The following ASCC3 variants were observed in gnomAD, a reference collection of about 807,000 sequenced individuals.
ASCC3 encodes the protein ASC-1 complex subunit P200.
ASCC3 carries 158 observed loss-of-function variants against 256.3 expected under a neutral mutation model. That is an observed-to-expected ratio of 0.62 (90% CI 0.54 to 0.70). The LOEUF is 0.70. Ranked by LOEUF, ASCC3 falls within the 30% of genes least tolerant of loss-of-function variation. The pLI, the probability that ASCC3 is intolerant of heterozygous loss-of-function variation, is 0.00. For synonymous variants in ASCC3, 948 were observed against 883.4 expected (o/e 1.07, Z -1.30); for missense variants, 2,259 against 2,626.0 (o/e 0.86, Z 3.05).
At chr6:100,602,357 C>G (rs1448049114) in intron 33 of ASCC3, among the ~76,000 whole-genome samples, 2 of 151,908 alleles carry the variant, frequency 1.3e-5, no homozygotes, top group Non-Finnish European at 2.9e-5. Flanking sequence ...TTGTTGAAAG[C>G]AATCACTAGT....
At position 100,718,259 on chromosome 6, in the gene ASCC3, G is replaced by T; in HGVS notation, c.1903-8C>A. 5 of 1,582,854 alleles carry T rather than the reference G, an allele frequency of 3.2e-6. No homozygotes were observed. The South Asian group carries it at 5.8e-5, about 18-fold the overall frequency. ...ACTCTGTGTGGATTCCACCTATATG[G>T]ATTATTTTAATTAAATATGGGTTAT... On this transcript the variant is annotated splice_region_variant and splice_polypyrimidine_tract_variant and intron_variant, in intron 11 of 41. Transcript: ENST00000369162.
intron 10 of ASCC3, among the ~76,000 whole-genome samples, chr6:100,762,105 A>G (rs1215591286): frequency 6.6e-6 from 1 of 152,170 alleles, no homozygotes; most frequent in African/African-American, 2.4e-5. Context: ...TACAAAGAAA[A>G]TTCAGATTTG....
intron 39 of ASCC3, among the ~76,000 whole-genome samples, chr6:100,514,357 C>T (rs1773918367): frequency 6.6e-6 from 1 of 152,092 alleles, no homozygotes. Flanking sequence ...CTTAAAAACA[C>T]AATTTCTGTA....
At chr6:100,747,336 C>G (rs749746580) in intron 10 of ASCC3, among the ~76,000 whole-genome samples, 1 of 151,946 alleles carries the variant, frequency 6.6e-6, no homozygotes, top group Non-Finnish European at 1.5e-5. Flanking sequence ...GAATACAGTT[C>G]GGTAGTTTCT....
intron 36 of ASCC3, among the ~76,000 whole-genome samples, chr6:100,585,312 C>T (rs1484031700): frequency 3.9e-5 from 6 of 152,224 alleles, no homozygotes; most frequent in East Asian, 1.9e-4. Context: ...CTTCCCTTCT[C>T]GCTTCATTTC....
intron 34 of ASCC3, among the ~76,000 whole-genome samples, chr6:100,600,205 GCACACACACACACACACACACA>G (rs56886686): frequency 6.9e-6 from 1 of 145,770 alleles, no homozygotes; most frequent in African/African-American, 2.5e-5. Flanking sequence ...ACATGCACAT[GCACACACACACACACACACACA>G]CACACACACA....
At position 100,661,794 on chromosome 6, in the gene ASCC3, A is replaced by G. The variant is rs1196494652; in HGVS notation, c.2703+12T>C. 6.2e-7 allele frequency: 1 copy of G among 1,611,018 alleles called. No individual in the cohort carries two copies. Among genetic ancestry groups the G allele is most frequent in the Non-Finnish European group, 8.5e-7 (1 of 1,177,518 alleles). Reference sequence around the variant, plus strand: ...ATGATTCTATTCCAAACTTTTACTCATTAGATCTTACCTCTGCATTTAGGT... The same window carrying G: ...ATGATTCTATTCCAAACTTTTACTCGTTAGATCTTACCTCTGCATTTAGGT... On this transcript the variant is annotated intron_variant, in intron 16 of 41. Coordinates refer to ENST00000369162, the MANE Select transcript of ASCC3 (RefSeq NM_006828.4).
chr6:100,598,039 T>C (rs1284653232), intron 34 of ASCC3, among the ~76,000 whole-genome samples: 1 of 151,178 alleles, frequency 6.6e-6, no homozygotes, highest in Non-Finnish European at 1.5e-5. Context: ...GCTACATTTA[T>C]CAATATTGAC....
chr6:100,510,157 T>C lies in ASCC3; in HGVS notation c.6286-50A>G, dbSNP rs773494390. 18 of 1,596,014 alleles carry C rather than the reference T, an allele frequency of 1.1e-5. No individual in the cohort carries two copies. In the East Asian group the frequency reaches 3.4e-4, roughly 30 times the overall value. Reference sequence around the variant, plus strand: ...ACATTAAAAATATCTAGACTTCCTATACCACTTGGTTGTGGTTAAGGCTAC... The same window carrying C: ...ACATTAAAAATATCTAGACTTCCTACACCACTTGGTTGTGGTTAAGGCTAC... On this transcript the variant is annotated intron_variant, in intron 40 of 41. Coordinates refer to ENST00000369162, the MANE Select transcript of ASCC3 (RefSeq NM_006828.4).
Position 100,559,513 on chromosome 6 carries a change from CAAAT to C in ASCC3, c.5551-19130_5551-19127del, listed in dbSNP as rs540385093. 9.2e-5 allele frequency among the ~76,000 whole-genome samples: 14 copies of C among 152,236 alleles called. No homozygotes were observed. The South Asian group carries it at 2.9e-3, about 32-fold the overall frequency. ...GCAAAGCCTAATAAAAACAGCTTTTCAAATAAATAATCCTAAGGAGACAATAGTC... is the reference window on the plus strand; with the variant it reads ...GCAAAGCCTAATAAAAACAGCTTTTCAAATAATCCTAAGGAGACAATAGTC... On this transcript the variant is annotated intron_variant, in intron 36 of 41. Coordinates refer to ENST00000369162, the MANE Select transcript of ASCC3 (RefSeq NM_006828.4).
intron 36 of ASCC3, among the ~76,000 whole-genome samples, chr6:100,571,398 C>A (rs1770584974): frequency 6.6e-6 from 1 of 152,062 alleles, no homozygotes; most frequent in Non-Finnish European, 1.5e-5. Context: ...CCGTGTTTTC[C>A]CCATATCTCA....
At position 100,629,533 on chromosome 6, in the gene ASCC3, AT is replaced by A. The variant is rs1161869591; in HGVS notation, c.4209-353del. Among the ~76,000 whole-genome samples, 5 of 152,124 alleles carry A rather than the reference AT, an allele frequency of 3.3e-5. No individual in the cohort carries two copies. The East Asian group carries it at 9.7e-4, about 29-fold the overall frequency. ...TTCCTTGTCCCTATGTTGGAATAAA[AT>A]TTTTTTTAATGAAGGAAAGTGTTAC... On this transcript the variant is annotated intron_variant, in intron 26 of 41. Coordinates refer to ENST00000369162, the MANE Select transcript of ASCC3 (RefSeq NM_006828.4).
intron 13 of ASCC3, among the ~76,000 whole-genome samples, chr6:100,682,442 G>T (rs1777352610): frequency 6.6e-6 from 1 of 152,150 alleles, no homozygotes; most frequent in South Asian, 2.1e-4. Flanking sequence ...ATAAGCTGTG[G>T]TCTCTTCCAT....
intron 30 of ASCC3, 60 bp downstream of exon 30, chr6:100,625,132 C>G: frequency 6.3e-7 from 1 of 1,581,416 alleles, no homozygotes; most frequent in Non-Finnish European, 8.7e-7. Flanking sequence ...ATGTAATGAT[C>G]ATTCTAATAT....
chr6:100,800,209 C>A lies in ASCC3; in HGVS notation c.1127+91G>T. On this transcript the variant is annotated intron_variant, in intron 6 of 41. Coordinates refer to ENST00000369162, the MANE Select transcript of ASCC3 (RefSeq NM_006828.4). ...AAACGTGACTTGAAGTAAAAATCAT[C>A]TATACTGCTAAGACTAAACTAAAAA... The A allele has an allele frequency of 3.6e-6, 5 of 1,382,282 alleles. 1 individual carries two copies. The South Asian group carries it at 6.0e-5, about 17-fold the overall frequency. The allele number at this position is 1,382,282 out of a possible 1,614,324, so 85.6% of individuals were successfully genotyped here. A position where few individuals can be genotyped will look rare whatever the true frequency, so the allele number is the denominator to read the frequency against.
chr6:100,786,675 G>A (rs1363969320), intron 8 of ASCC3, among the ~76,000 whole-genome samples: 1 of 152,106 alleles, frequency 6.6e-6, no homozygotes, highest in Non-Finnish European at 1.5e-5. Flanking sequence ...ATTTAACAGA[G>A]ACTCTTTAGC....
chr6:100,854,953 G>A (rs996469451), intron 3 of ASCC3, among the ~76,000 whole-genome samples: 10 of 152,018 alleles, frequency 6.6e-5, no homozygotes, highest in Non-Finnish European at 1.5e-5. Flanking sequence ...CCATATATCA[G>A]ATGCTTATTA....
At chr6:100,821,229 G>A (rs1440062823) in intron 4 of ASCC3, among the ~76,000 whole-genome samples, 1 of 152,010 alleles carries the variant, frequency 6.6e-6, no homozygotes, top group Non-Finnish European at 1.5e-5. Context: ...TTGCCCAGTT[G>A]AGTCTCAAAC....
chr6:100,692,385 C>A (rs995412388), intron 13 of ASCC3, among the ~76,000 whole-genome samples: 2 of 151,822 alleles, frequency 1.3e-5, no homozygotes, highest in African/African-American at 4.8e-5. Flanking sequence ...TTTATAAATG[C>A]TTCACGTCTA....
Sources: allele counts gnomAD v4.1 joint callset (sites outside exome capture counted in the v4.1 genomes callset), GRCh38; gene constraint gnomAD v4.1.1; transcripts MANE v1.5; gene names NCBI Gene and HGNC (gene_info 2026-07-23, HGNC 2026-07-21).